SFXN5: variants seen among roughly 807,000 people sequenced by gnomAD.
SFXN5 encodes sideroflexin 5, also known as sideroflexin-5.
A neutral mutation model predicts 50.2 loss-of-function variants in SFXN5; 43 were observed. The observed-to-expected ratio is 0.86, with a 90% CI of 0.67 to 1.11. The LOEUF (loss-of-function observed/expected upper bound fraction) is 1.11. SFXN5 is among the 50% of genes least tolerant of loss of function. SFXN5 has a pLI of 0.00. For synonymous variants in SFXN5, 203 were observed against 185.8 expected (o/e 1.09, Z -0.75); for missense variants, 463 against 454.1 (o/e 1.02, Z -0.18).
intron 6 of SFXN5, among the ~76,000 whole-genome samples, chr2:73,004,073 T>TA (rs1674276108): frequency 6.6e-6 from 1 of 152,184 alleles, no homozygotes; most frequent in African/African-American, 2.4e-5. Flanking sequence ...AACTGAGGCT[T>TA]AGAGAAATTC....
At chr2:72,993,478 C>T (rs977016197) in intron 9 of SFXN5, among the ~76,000 whole-genome samples, 2 of 152,170 alleles carry the variant, frequency 1.3e-5, no homozygotes, top group Non-Finnish European at 2.9e-5. Flanking sequence ...CAATCCTGAC[C>T]CCTGAACCAT....
rs1002709789 is a variant in SFXN5 at position 73,056,699 on chromosome 2, A to C, written c.171+1829T>G. On this transcript the variant is annotated intron_variant, in intron 2 of 13. Coordinates refer to ENST00000272433, the MANE Select transcript of SFXN5 (RefSeq NM_144579.3). ...AAACTCCGTCTCAAAAAAAAAAAAA[A>C]ACACAAAAAACAAAAAGTCTGTCAA... 9.2e-5 allele frequency among the ~76,000 whole-genome samples: 14 copies of C among 152,130 alleles called. No homozygotes were observed. The South Asian group carries it at 1.5e-3, about 16-fold the overall frequency.
intron 9 of SFXN5, 47 bp from the exon 10 acceptor site, chr2:72,988,395 A>G: frequency 6.4e-7 from 1 of 1,552,532 alleles, no homozygotes; most frequent in Non-Finnish European, 8.8e-7. Flanking sequence ...ATGATGCTGC[A>G]GTGGCTTGTG....
intron 6 of SFXN5, among the ~76,000 whole-genome samples, chr2:73,008,319 T>C (rs1316041782): frequency 1.3e-5 from 2 of 152,188 alleles, no homozygotes; most frequent in Non-Finnish European, 2.9e-5. Flanking sequence ...ATGAGGCATT[T>C]GGTCCCTAAG....
At position 72,973,184 on chromosome 2, in the gene SFXN5, A is replaced by G. The variant is rs1358325366; in HGVS notation, c.626-1499T>C. On this transcript the variant is annotated intron_variant, in intron 10 of 13. Coordinates refer to ENST00000272433, the MANE Select transcript of SFXN5 (RefSeq NM_144579.3). The surrounding 1 kb of genome is among the most constrained non-coding windows in gnomAD (Gnocchi z 5.5). ...AGAAGAAAAGCAGGAGGCCAAATACAGTTCTAAAATGTATTTAGAGCACAC... is the reference window on the plus strand; with the variant it reads ...AGAAGAAAAGCAGGAGGCCAAATACGGTTCTAAAATGTATTTAGAGCACAC... The G allele has an allele frequency of 6.5e-6, 1 of 153,968 alleles. No individual in the cohort carries two copies. Among genetic ancestry groups the G allele is most frequent in the African/African-American group, 2.4e-5 (1 of 41,442 alleles). 9.5% of individuals were successfully genotyped at this position (153,968 alleles called of 1,614,324 possible). A position where few individuals can be genotyped will look rare whatever the true frequency, so the allele number is the denominator to read the frequency against.
chr2:73,061,253 A>G (rs569733128), intron 1 of SFXN5, among the ~76,000 whole-genome samples: 11 of 151,130 alleles, frequency 7.3e-5, no homozygotes, highest in African/African-American at 2.4e-4. Context: ...GGTTGCAGCG[A>G]GCAGAGATCG....
At chr2:72,982,618 A>C (rs1211504144) in intron 10 of SFXN5, among the ~76,000 whole-genome samples, 2 of 152,182 alleles carry the variant, frequency 1.3e-5, no homozygotes, top group Non-Finnish European at 2.9e-5. Flanking sequence ...CTTGGAAACA[A>C]CACGGGCAGT....
chr2:73,043,716 T>C (rs1679942217), intron 2 of SFXN5, among the ~76,000 whole-genome samples: 1 of 152,194 alleles, frequency 6.6e-6, no homozygotes, highest in Non-Finnish European at 1.5e-5. Context: ...TTCCCCATTG[T>C]ACAAGTTAAT....
At position 73,071,667 on chromosome 2, in the gene SFXN5, AGCCGCC is replaced by A; in HGVS notation, c.33_38del (p.Ala12_Ala13del). On this transcript the variant is annotated inframe_deletion, in exon 1 of 14. Transcript: ENST00000272433. Reference sequence around the variant, plus strand: ...CATCGCTCGAGGCGCTAGCGGCACTAGCCGCCGCCGCCGATGCTGTAGTCGCTGTAT... The same window carrying A: ...CATCGCTCGAGGCGCTAGCGGCACTAGCCGCCGATGCTGTAGTCGCTGTAT... The A allele has an allele frequency of 6.2e-7, 1 of 1,612,314 alleles. No individual in the cohort carries two copies. Among genetic ancestry groups the A allele is most frequent in the Non-Finnish European group, 8.5e-7 (1 of 1,179,562 alleles).
Position 72,968,658 on chromosome 2 carries a change from T to C in SFXN5, c.742-125A>G, listed in dbSNP as rs1001792181. On this transcript the variant is annotated intron_variant, in intron 11 of 13. Transcript: ENST00000272433. ...TGTCTGAATGGCCTTATTCATGGGA[T>C]TGCTCAGGAAGCTGCATTCCAAACA... 5.1e-4 allele frequency: 397 copies of C among 778,312 alleles called. 1 individual carries two copies. The highest frequency in any genetic ancestry group is 5.8e-4 in the Non-Finnish European group (289 of 498,518). The allele number at this position is 778,312 out of a possible 1,614,324, so 48.2% of individuals were successfully genotyped here.
At chr2:73,020,828 C>G (rs931084642) in intron 5 of SFXN5, 3 of 152,400 alleles carry the variant, frequency 2.0e-5, no homozygotes, top group Admixed American at 2.0e-4. Context: ...TGGGGTGAAG[C>G]GCAGCCAGGC....
chr2:73,008,089 G>A (rs899004704), intron 6 of SFXN5, among the ~76,000 whole-genome samples: 2 of 152,184 alleles, frequency 1.3e-5, no homozygotes, highest in East Asian at 3.8e-4. Flanking sequence ...AGGGCCCTGG[G>A]AAACACCCCT....
chr2:72,978,111 A>AT (rs575715450), intron 10 of SFXN5, among the ~76,000 whole-genome samples: 49 of 150,694 alleles, frequency 3.3e-4, no homozygotes, highest in Middle Eastern at 3.5e-3. Flanking sequence ...TCTATCTAGA[A>AT]TTTTTTTTTG....
At chr2:73,035,764 T>C (rs965427784) in intron 3 of SFXN5, among the ~76,000 whole-genome samples, 2 of 152,128 alleles carry the variant, frequency 1.3e-5, no homozygotes, top group Non-Finnish European at 2.9e-5. Context: ...CCTCCCAAAG[T>C]GCTGGGATTA....
chr2:72,959,791 C>T (rs1254028969), intron 13 of SFXN5, among the ~76,000 whole-genome samples: 1 of 152,144 alleles, frequency 6.6e-6, no homozygotes, highest in Admixed American at 6.5e-5. Flanking sequence ...TGCATTTACG[C>T]AAGCCCCTGT....
intron 6 of SFXN5, among the ~76,000 whole-genome samples, chr2:73,012,830 G>C (rs1486698654): frequency 1.3e-5 from 2 of 152,062 alleles, no homozygotes; most frequent in Non-Finnish European, 2.9e-5. Context: ...GTAGAGAGTA[G>C]AGTGAAATTA....
chr2:73,060,838 T>A (rs999272188), intron 1 of SFXN5, among the ~76,000 whole-genome samples: 5 of 151,930 alleles, frequency 3.3e-5, no homozygotes, highest in Admixed American at 2.6e-4. Flanking sequence ...TAGCTGTGAC[T>A]ACAGGCCAGT....
At chr2:73,038,489 A>C (rs893156750) in intron 3 of SFXN5, among the ~76,000 whole-genome samples, 1 of 152,238 alleles carries the variant, frequency 6.6e-6, no homozygotes, top group East Asian at 1.9e-4. Context: ...TTATTTTAAA[A>C]AAAAATTAGC....
At chr2:72,972,707 G>A (rs775299927) in intron 10 of SFXN5, among the ~76,000 whole-genome samples, 1 of 151,902 alleles carries the variant, frequency 6.6e-6, no homozygotes, top group Non-Finnish European at 1.5e-5. Context: ...TGGGGAGTGG[G>A]GGGTGACAAA....
Sources: allele counts gnomAD v4.1 joint callset (sites outside exome capture counted in the v4.1 genomes callset), GRCh38; gene constraint gnomAD v4.1.1; non-coding constraint Gnocchi (gnomAD v3.1); transcripts MANE v1.5; gene names NCBI Gene and HGNC (gene_info 2026-07-23, HGNC 2026-07-21).